MIS18BP1: variants seen among roughly 807,000 people sequenced by gnomAD.
The protein encoded by MIS18BP1 is MIS18 binding protein 1.
A neutral mutation model predicts 116.1 loss-of-function variants in MIS18BP1; 72 were observed. The ratio of observed to expected loss-of-function variants is 0.62; its 90% CI spans 0.51 to 0.75. The LOEUF (loss-of-function observed/expected upper bound fraction) is 0.75. MIS18BP1 is among the 30% of genes least tolerant of loss of function. MIS18BP1 has a pLI of 0.00. For synonymous variants in MIS18BP1, 386 were observed against 427.0 expected (o/e 0.90, Z 1.18); for missense variants, 1,363 against 1,303.2 (o/e 1.05, Z -0.71).
In MIS18BP1 at chr14:45,221,273, C is replaced by T. The variant is rs185549287; in HGVS notation, c.2669+2645G>A. Among the ~76,000 whole-genome samples the T allele has an allele frequency of 2.9e-3, 437 of 152,138 alleles. 3 individuals carry two copies. Among genetic ancestry groups the T allele is most frequent in the African/African-American group, 0.01 (423 of 41,514 alleles). ...CTAACACGGTGAAACCCCGTCTCTA[C>T]TGAAAATACAAAAAATTAGCCGGCG... is the stretch of plus-strand genomic sequence containing the variant. On this transcript the variant is annotated intron_variant, in intron 11 of 16. Coordinates refer to ENST00000310806, the MANE Select transcript of MIS18BP1 (RefSeq NM_018353.5).
chr14:45,215,575 T>A (rs1890794089), intron 13 of MIS18BP1, among the ~76,000 whole-genome samples: 1 of 150,862 alleles, frequency 6.6e-6, no homozygotes, highest in African/African-American at 2.4e-5. Context: ...ACCACACCCA[T>A]CTAATTTTTG....
chr14:45,231,136 C>T lies in MIS18BP1; in HGVS notation c.1594+5G>A. On this transcript the variant is annotated splice_donor_5th_base_variant and intron_variant, in intron 8 of 16. Coordinates refer to ENST00000310806, the MANE Select transcript of MIS18BP1 (RefSeq NM_018353.5). ...TACCAACAGAGAAGTAAAGACAAAA[C>T]ATACCCAAATTATCACAATCAAAAT... 6.2e-7 allele frequency: 1 copy of T among 1,610,412 alleles called. No homozygotes were observed. Among genetic ancestry groups the T allele is most frequent in the Non-Finnish European group, 8.5e-7 (1 of 1,178,704 alleles).
intron 8 of MIS18BP1, 144 bp downstream of exon 8, chr14:45,230,997 G>A: frequency 2.8e-6 from 2 of 709,172 alleles, no homozygotes; most frequent in East Asian, 3.1e-5. Flanking sequence ...ATATAGTAGT[G>A]AAGAAGCAGG....
chr14:45,235,751 G>A, intron 6 of MIS18BP1, 63 bp downstream of exon 6: 1 of 1,421,586 alleles, frequency 7.0e-7, no homozygotes, highest in Non-Finnish European at 9.5e-7. Context: ...GTGTATTACT[G>A]TGAGAAACAT....
At position 45,206,119 on chromosome 14, in the gene MIS18BP1, ATTACTT is replaced by A. The variant is rs778559609; in HGVS notation, c.3198_3203del (p.Lys1066_Ser1067del). 4.4e-6 allele frequency: 7 copies of A among 1,608,804 alleles called. No individual in the cohort carries two copies. Among genetic ancestry groups the A allele is most frequent in the Non-Finnish European group, 6.0e-6 (7 of 1,175,872 alleles). On this transcript the variant is annotated inframe_deletion, in exon 15 of 17. Transcript: ENST00000310806. ...TGATGTTGCCCCAGACAATACCACC[ATTACTT>A]TTATGATATTTTTGCATACGAAAAA...
chr14:45,208,330 GTTTT>G (rs1166566812), intron 14 of MIS18BP1, among the ~76,000 whole-genome samples: 1 of 120,936 alleles, frequency 8.3e-6, no homozygotes, highest in Non-Finnish European at 1.7e-5. Flanking sequence ...GGATGAAGTT[GTTTT>G]TTTTTTTTTT....
chr14:45,206,725 A>G (rs1025887963), intron 14 of MIS18BP1, among the ~76,000 whole-genome samples: 1 of 152,196 alleles, frequency 6.6e-6, no homozygotes, highest in Non-Finnish European at 1.5e-5. Context: ...TTGGGAAATT[A>G]TGCTTTGCTT....
intron 6 of MIS18BP1, among the ~76,000 whole-genome samples, 196 bp downstream of exon 6, chr14:45,235,618 T>C (rs1405006559): frequency 6.8e-6 from 1 of 146,864 alleles, no homozygotes. Context: ...CAAAAACACA[T>C]AACTTATTAG....
chr14:45,248,536 T>G (rs1046518396), intron 1 of MIS18BP1, among the ~76,000 whole-genome samples: 1 of 152,132 alleles, frequency 6.6e-6, no homozygotes, highest in Non-Finnish European at 1.5e-5. Context: ...ATAGCTGAAT[T>G]TATAACTATT....
At chr14:45,224,862 ACTG>A in intron 10 of MIS18BP1, 116 bp from the exon 11 acceptor site, 1 of 751,844 alleles carries the variant, frequency 1.3e-6, no homozygotes, top group Non-Finnish European at 2.1e-6. Flanking sequence ...CACGAGCTAC[ACTG>A]TATACCCACC....
intron 11 of MIS18BP1, among the ~76,000 whole-genome samples, chr14:45,222,284 G>GT (rs1227073921): frequency 6.6e-6 from 1 of 151,932 alleles, no homozygotes; most frequent in Non-Finnish European, 1.5e-5. Flanking sequence ...CTTGTTCCAT[G>GT]TAAAAAAATC....
chr14:45,242,114 G>A lies in MIS18BP1; in HGVS notation c.1063C>T (p.Arg355Trp), dbSNP rs1891592755. Residue 355 changes from arginine (R) to tryptophan (W), a missense_variant, in exon 4 of 17, where the codon CGG (arginine) becomes TGG (tryptophan). Physicochemically the swap from Arg to Trp is moderately radical, Grantham distance 101. Transcript: ENST00000310806. ...ATPRLHITIP[R>W]RSKRNISKLS... is the part of the protein sequence containing the mutation. ...TTTGAAATATTTCTTTTTGACCTCC[G>A]AGGTATTGTTATATGAAGTCTTGGT... The A allele has an allele frequency of 1.4e-5, 23 of 1,613,674 alleles. No individual in the cohort carries two copies. The highest frequency in any genetic ancestry group is 1.9e-5 in the Non-Finnish European group (22 of 1,179,900).
chr14:45,221,333 A>C lies in MIS18BP1; in HGVS notation c.2669+2585T>G, dbSNP rs1890968599. Among the ~76,000 whole-genome samples the C allele has an allele frequency of 2.0e-5, 3 of 152,046 alleles. No individual in the cohort carries two copies. In the South Asian group the frequency reaches 6.2e-4, roughly 32 times the overall value. On this transcript the variant is annotated intron_variant, in intron 11 of 16. Transcript: ENST00000310806. ...GCGCCTGTAGTCCCAGCTACTCGGGAGGCTGAGGCAGGAGAATGGTGTGAA... is the reference window on the plus strand; with the variant it reads ...GCGCCTGTAGTCCCAGCTACTCGGGCGGCTGAGGCAGGAGAATGGTGTGAA...
chr14:45,235,678 T>C, intron 6 of MIS18BP1, 136 bp downstream of exon 6: 1 of 631,488 alleles, frequency 1.6e-6, no homozygotes, highest in Non-Finnish European at 2.4e-6. Flanking sequence ...ACCAGTTTTA[T>C]ATAATATCAG....
At position 45,224,517 on chromosome 14, in the gene MIS18BP1, A is replaced by G; in HGVS notation, c.2070T>C (p.Ser690=). The G allele has an allele frequency of 1.2e-6, 2 of 1,608,728 alleles. No individual in the cohort carries two copies. Among genetic ancestry groups the G allele is most frequent in the Non-Finnish European group, 1.7e-6 (2 of 1,178,416 alleles). The part of the protein sequence containing the change: ...DFVIPECQKK[S]PISKSMGTLE... ...AAGTCCCCATGGACTTGCTGATGGG[A>G]CTTTTTTTTTGACACTCTGGTATTA... is the stretch of plus-strand genomic sequence containing the variant. Residue 690 remains serine, a synonymous_variant, in exon 11 of 17, where the codon AGT becomes AGC. Coordinates refer to ENST00000310806, the MANE Select transcript of MIS18BP1 (RefSeq NM_018353.5).
chr14:45,226,776 T>C lies in MIS18BP1; in HGVS notation c.1807A>G (p.Thr603Ala), dbSNP rs1891132664. The change falls in exon 10 of 17, where the codon ACA becomes GCA. Residue 603 changes from threonine (T) to alanine (A), a missense_variant. Physicochemically the swap from Thr to Ala is moderately conservative, Grantham distance 58 (BLOSUM62 0). Coordinates refer to ENST00000310806, the MANE Select transcript of MIS18BP1 (RefSeq NM_018353.5). The stretch of plus-strand genomic sequence containing the variant: ...TGACTTTTTATTATCCTTTCATTTG[T>C]TCTTTCACCAATTTTTAGTTTCTTT... The part of the protein sequence containing the change: ...SSKKLKIGER[T>A]NERIIKSQKQ... 4.9e-6 allele frequency: 7 copies of C among 1,415,182 alleles called. No individual in the cohort carries two copies. The highest frequency in any genetic ancestry group is 6.6e-6 in the Non-Finnish European group (7 of 1,062,786). The allele number at this position is 1,415,182 out of a possible 1,614,324, so 87.7% of individuals were successfully genotyped here. A position where few individuals can be genotyped will look rare whatever the true frequency, so the allele number is the denominator to read the frequency against.
chr14:45,232,571 G>C (rs1323273120), intron 7 of MIS18BP1, 162 bp downstream of exon 7: 7 of 605,972 alleles, frequency 1.2e-5, no homozygotes, highest in Non-Finnish European at 2.1e-5. Flanking sequence ...GAGACAGGCG[G>C]ATCACTTGTA....
chr14:45,250,603 G>T (rs1187754777), intron 1 of MIS18BP1, among the ~76,000 whole-genome samples: 1 of 152,202 alleles, frequency 6.6e-6, no homozygotes, highest in Non-Finnish European at 1.5e-5. Flanking sequence ...TTCATTAACT[G>T]CTTAAAGTTG....
chr14:45,220,435 TA>T (rs1344622819), intron 11 of MIS18BP1, among the ~76,000 whole-genome samples: 1 of 152,160 alleles, frequency 6.6e-6, no homozygotes, highest in Non-Finnish European at 1.5e-5. Flanking sequence ...AAGTGGGGCC[TA>T]GGGGGAGGTG....
Sources: allele counts gnomAD v4.1 joint callset (sites outside exome capture counted in the v4.1 genomes callset), GRCh38; gene constraint gnomAD v4.1.1; transcripts MANE v1.5; gene names NCBI Gene and HGNC (gene_info 2026-07-23, HGNC 2026-07-21).